KDM4B: variants seen among roughly 807,000 people sequenced by gnomAD.
KDM4B encodes lysine demethylase 4B.
Under a neutral mutation model 125.2 loss-of-function variants are expected in KDM4B, and 32 were observed. That is an observed-to-expected ratio of 0.26 (90% CI 0.19 to 0.34). KDM4B has a LOEUF of 0.34. KDM4B is among the 10% of genes least tolerant of loss of function. The pLI is 1.00. For missense variants in KDM4B, 1,190 were observed against 1,577.7 expected (o/e 0.75, Z 4.16); for synonymous variants, 721 against 677.9 (o/e 1.06, Z -0.99).
chr19:5,124,960 T>G (rs2039424492), intron 11 of KDM4B, among the ~76,000 whole-genome samples: 1 of 151,698 alleles, frequency 6.6e-6, no homozygotes, highest in East Asian at 1.9e-4. Context: ...AGGGCAGTGG[T>G]GCAGTCACGG....
intron 1 of KDM4B, among the ~76,000 whole-genome samples, chr19:5,016,044 C>T (rs907324507): frequency 3.3e-5 from 5 of 152,176 alleles, no homozygotes; most frequent in Non-Finnish European, 7.3e-5. Flanking sequence ...ATTTTAGGAG[C>T]TAAGCTTAAA....
intron 1 of KDM4B, among the ~76,000 whole-genome samples, chr19:4,975,372 G>T (rs139761642): frequency 2.0e-5 from 3 of 151,450 alleles, no homozygotes; most frequent in Non-Finnish European, 2.9e-5. Flanking sequence ...TTCCTCCAAC[G>T]ACTAAAAAAT....
intron 1 of KDM4B, among the ~76,000 whole-genome samples, chr19:4,985,845 T>A (rs529536278): frequency 1.2e-3 from 186 of 152,302 alleles, no homozygotes; most frequent in African/African-American, 4.2e-3. Context: ...GGAGCGCGGA[T>A]TGGGACTGTC....
chr19:5,029,420 A>G lies in KDM4B; in HGVS notation c.-25-3446A>G, dbSNP rs2036381641. ...CAGTCACAGGACTGCATTTCAGTAA[A>G]TTCCCTCTTCCCTGTTTAGCTGTGT... On this transcript the variant is annotated intron_variant, in intron 2 of 22. Transcript: ENST00000159111. Among the ~76,000 whole-genome samples, 4 of 152,270 alleles carry G rather than the reference A, an allele frequency of 2.6e-5. 1 individual carries two copies. In the South Asian group the frequency reaches 8.3e-4, roughly 32 times the overall value.
chr19:5,140,342 T>G (rs1000758767), intron 18 of KDM4B: 2 of 152,498 alleles, frequency 1.3e-5, no homozygotes, highest in Non-Finnish European at 2.9e-5. Flanking sequence ...GTAGCCCACC[T>G]GCGCACAAGG....
intron 2 of KDM4B, among the ~76,000 whole-genome samples, chr19:5,032,311 G>A (rs1188436057): frequency 6.6e-6 from 1 of 152,196 alleles, no homozygotes; most frequent in Non-Finnish European, 1.5e-5. Context: ...CGTCTTGGGC[G>A]GGCCTGCTGC....
chr19:5,139,248 C>T (rs999172819), intron 18 of KDM4B, among the ~76,000 whole-genome samples: 1 of 152,170 alleles, frequency 6.6e-6, no homozygotes. Context: ...GGTTCATCCA[C>T]ATTCATTCAA....
intron 21 of KDM4B, among the ~76,000 whole-genome samples, chr19:5,145,743 G>A (rs566613665): frequency 1.9e-4 from 29 of 152,290 alleles, no homozygotes; most frequent in Admixed American, 7.2e-4. Context: ...GCGACAGCTT[G>A]TCTCTTCCAG....
Position 5,150,346 on chromosome 19 carries a change from A to G in KDM4B, c.3022-12A>G. On this transcript the variant is annotated splice_polypyrimidine_tract_variant and intron_variant, in intron 21 of 22. Transcript: ENST00000159111. ...GCAGTGCCAGGCCCCTGAGAGCCAC[A>G]TCCCCCTGCAGGTGGAGTTTGAGGA... The G allele has an allele frequency of 6.5e-7, 1 of 1,549,126 alleles. No individual in the cohort carries two copies. The highest frequency in any genetic ancestry group is 8.7e-7 in the Non-Finnish European group (1 of 1,145,198).
intron 6 of KDM4B, among the ~76,000 whole-genome samples, chr19:5,054,547 C>T (rs1219951573): frequency 1.3e-5 from 2 of 152,122 alleles, no homozygotes; most frequent in South Asian, 2.1e-4. Flanking sequence ...ACAAGGGTCT[C>T]CAGTCACATA....
In KDM4B at chr19:4,997,422, C is replaced by T. The variant is rs998359538; in HGVS notation, c.-108-18835C>T. Among the ~76,000 whole-genome samples the T allele has an allele frequency of 1.3e-5, 2 of 152,124 alleles. No homozygotes were observed. Among genetic ancestry groups the T allele is most frequent in the Non-Finnish European group, 2.9e-5 (2 of 68,012 alleles). On this transcript the variant is annotated intron_variant, in intron 1 of 22. Transcript: ENST00000159111. This position sits in a 1 kb window ranked among gnomAD's most constrained non-coding sequence, Gnocchi z 4.2. ...TCTGTGGTTCATGAGGACCTGCCAT[C>T]TGGGGGCGGCGAGGTGGGCTGGGCT...
At position 4,969,943 on chromosome 19, in the gene KDM4B, G is replaced by A. The variant is rs563336163; in HGVS notation, c.-109+713G>A. On this transcript the variant is annotated intron_variant, in intron 1 of 22. Transcript: ENST00000159111. ...AACGGCAGCCTCCACGAGTCTCTCC[G>A]TCCCTCCCCCTTCCAGCCTGATCGC... Among the ~76,000 whole-genome samples, 17 of 152,072 alleles carry A rather than the reference G, an allele frequency of 1.1e-4. 1 individual carries two copies. In the South Asian group the frequency reaches 3.1e-3, roughly 28 times the overall value.
intron 1 of KDM4B, among the ~76,000 whole-genome samples, chr19:4,969,652 A>T (rs966287756): frequency 6.6e-6 from 1 of 150,586 alleles, no homozygotes; most frequent in African/African-American, 2.4e-5. Flanking sequence ...AGAAAGCAAG[A>T]AAAAGGAAAA....
intron 8 of KDM4B, 92 bp downstream of exon 8, chr19:5,077,562 T>A: frequency 9.1e-7 from 1 of 1,098,878 alleles, no homozygotes; most frequent in Non-Finnish European, 1.4e-6. Context: ...ATAAGCTGTT[T>A]AACCCTGGAG....
In KDM4B at chr19:5,069,289, ATTTATT is replaced by A. The variant is rs534345283; in HGVS notation, c.627-1699_627-1694del. On this transcript the variant is annotated intron_variant, in intron 6 of 22. Coordinates refer to ENST00000159111, the MANE Select transcript of KDM4B (RefSeq NM_015015.3). ...CTTCTCTGGCTCCTGCCCCCTCCTTATTTATTTTTATTTTTATTTTTATTTTTTTTA... is the reference window on the plus strand; with the variant it reads ...CTTCTCTGGCTCCTGCCCCCTCCTTATTTATTTTTATTTTTATTTTTTTTA... Among the ~76,000 whole-genome samples, 303 of 151,680 alleles carry A rather than the reference ATTTATT, an allele frequency of 2.0e-3. 2 individuals are homozygous for A. Among genetic ancestry groups the A allele is most frequent in the African/African-American group, 6.8e-3 (283 of 41,332 alleles).
At chr19:5,133,587 G>T (rs1009391016) in intron 13 of KDM4B, among the ~76,000 whole-genome samples, 1 of 152,260 alleles carries the variant, frequency 6.6e-6, no homozygotes, top group African/African-American at 2.4e-5. Context: ...AGAACCAGGT[G>T]TTGGGGGAGG....
In KDM4B at chr19:5,028,405, G is replaced by A. The variant is rs368518740; in HGVS notation, c.-25-4461G>A. Among the ~76,000 whole-genome samples, 45 of 152,338 alleles carry A rather than the reference G, an allele frequency of 3.0e-4. No individual in the cohort carries two copies. The South Asian group carries it at 8.5e-3, about 29-fold the overall frequency. ...GTTCCTCCATGTGGCGCCTGTGTCAGAGCCTCGTTGCTTTTCATGGCTGTG... is the reference window on the plus strand; with the variant it reads ...GTTCCTCCATGTGGCGCCTGTGTCAAAGCCTCGTTGCTTTTCATGGCTGTG... On this transcript the variant is annotated intron_variant, in intron 2 of 22. Transcript: ENST00000159111.
chr19:5,050,847 C>T lies in KDM4B; in HGVS notation c.626+3178C>T, dbSNP rs200379876. Among the ~76,000 whole-genome samples the T allele has an allele frequency of 3.6e-4, 55 of 152,256 alleles. No homozygotes were observed. In the East Asian group the frequency reaches 8.7e-3, roughly 24 times the overall value. ...CCCAGGAGGCGGAGCTTGCAGTGAG[C>T]GGAGATCACACCCCTGCACTCCAGC... On this transcript the variant is annotated intron_variant, in intron 6 of 22. Transcript: ENST00000159111.
chr19:5,041,469 C>T (rs926040535), intron 5 of KDM4B, among the ~76,000 whole-genome samples: 1 of 152,102 alleles, frequency 6.6e-6, no homozygotes, highest in African/African-American at 2.4e-5. Context: ...CACCCTGCAG[C>T]CCCCACCCTG....
Sources: allele counts gnomAD v4.1 joint callset (sites outside exome capture counted in the v4.1 genomes callset), GRCh38; gene constraint gnomAD v4.1.1; non-coding constraint Gnocchi (gnomAD v3.1); transcripts MANE v1.5; gene names NCBI Gene and HGNC (gene_info 2026-07-23, HGNC 2026-07-21).